Variants in CYP11B1 observed in about 807,000 individuals in gnomAD.
The protein encoded by CYP11B1 is cytochrome P450 family 11 subfamily B member 1.
Under a neutral mutation model 48.3 loss-of-function variants are expected in CYP11B1, and 34 were observed. The ratio of observed to expected loss-of-function variants is 0.70; its 90% confidence interval spans 0.54 to 0.94. CYP11B1 has a LOEUF of 0.94. CYP11B1 is among the 40% of genes least tolerant of loss of function. The pLI, the probability that CYP11B1 is intolerant of heterozygous loss-of-function variation, is 0.00. For synonymous variants in CYP11B1, 291 were observed against 262.5 expected, an observed-to-expected ratio of 1.11 and a Z score of -1.05; for missense variants, 688 against 657.4, an observed-to-expected ratio of 1.05 and a Z score of -0.51.
At chr8:142,874,602 C>G (rs1335414934) in intron 8 of CYP11B1, 116 bp from the exon 9 acceptor site, 2 of 791,836 alleles carry the variant, frequency 2.5e-6, no homozygotes, top group East Asian at 2.5e-5. Flanking sequence ...GCAGCCTGGC[C>G]TCCAACCTGT....
At position 142,877,041 on chromosome 8, in the gene CYP11B1, A is replaced by C; in HGVS notation, c.577T>G (p.Phe193Val). 2 of 1,613,500 alleles carry C rather than the reference A, an allele frequency of 1.2e-6. No individual in the cohort carries two copies. Among genetic ancestry groups the C allele is most frequent in the Non-Finnish European group, 1.7e-6 (2 of 1,179,774 alleles). ...SLTLDVQPSI[F>V]HYTIEASNLA... ...CCCACACCTTCTATGGTGTAGTGGA[A>C]GATGCTGGGCTGGACGTCCAGGGTC... is the stretch of plus-strand genomic sequence containing the variant. Residue 193 changes from phenylalanine (F) to valine (V), a missense_variant, in exon 3 of 9, where the codon TTC (phenylalanine) becomes GTC (valine). Phe to Val is a conservative substitution (Grantham distance 50). Transcript: ENST00000292427.
Position 142,877,180 on chromosome 8 carries a change from T to C in CYP11B1, c.438A>G (p.Pro146=). ...EWRFNRLRLN[P]EVLSPNAVQR... is the part of the protein sequence containing the mutation. Reference sequence around the variant, plus strand: ...GCACAGCGTTGGGCGACAGCACTTCTGGATTCAGCCGCAATCGGTTGAAGC... The same window carrying C: ...GCACAGCGTTGGGCGACAGCACTTCCGGATTCAGCCGCAATCGGTTGAAGC... Residue 146 remains proline (P), a synonymous_variant, in exon 3 of 9, where the codon CCA becomes CCG. Coordinates refer to ENST00000292427, the MANE Select transcript of CYP11B1 (RefSeq NM_000497.4). 6.2e-7 allele frequency: 1 copy of C among 1,614,190 alleles called. No individual in the cohort carries two copies. The highest frequency in any genetic ancestry group is 8.5e-7 in the Non-Finnish European group (1 of 1,180,016).
At chr8:142,875,639 T>A in intron 6 of CYP11B1, 73 bp downstream of exon 6, 1 of 1,550,724 alleles carries the variant, frequency 6.4e-7, no homozygotes, top group South Asian at 1.1e-5. Flanking sequence ...CCAGATTCTG[T>A]CTGCCACCAC....
intron 4 of CYP11B1, 101 bp downstream of exon 4, chr8:142,876,581 C>A: frequency 6.4e-7 from 1 of 1,552,694 alleles, no homozygotes; most frequent in Non-Finnish European, 8.7e-7. Context: ...AATCCCCGAC[C>A]CCTCCCTGTG....
At chr8:142,878,564 G>A (rs568513499) in intron 2 of CYP11B1, among the ~76,000 whole-genome samples, 781 of 152,304 alleles carry the variant, frequency 5.1e-3, no homozygotes, top group Non-Finnish European at 8.7e-3. Flanking sequence ...TCCTGCCCCG[G>A]ACTGTCCCCA....
chr8:142,876,264 G>C lies in CYP11B1; in HGVS notation c.931C>G (p.Leu311Val), dbSNP rs777620711. The C allele has an allele frequency of 6.2e-7, 1 of 1,614,250 alleles. No homozygotes were observed. Among genetic ancestry groups the C allele is most frequent in the South Asian group, 1.1e-5 (1 of 91,090 alleles). The change falls in exon 5 of 9, where the codon CTC (leucine) becomes GTC (valine). Residue 311 changes from leucine (L) to valine (V), a missense_variant. By Grantham distance (32) the Leu-to-Val change is conservative. Transcript: ENST00000292427. ...PDAIKANSME[L>V]TAGSVDTTVF... ...ACCGTGTCCACGCTCCCTGCAGTGA[G>C]TTCCATAGAGTTGGCCTTGATGGCA...
Position 142,878,633 on chromosome 8 carries a change from C to T in CYP11B1, c.395+399G>A, listed in dbSNP as rs184789838. Among the ~76,000 whole-genome samples the T allele has an allele frequency of 2.9e-4, 44 of 152,312 alleles. No homozygotes were observed. In the East Asian group the frequency reaches 3.9e-3, roughly 13 times the overall value. On this transcript the variant is annotated intron_variant, in intron 2 of 8. Coordinates refer to ENST00000292427, the MANE Select transcript of CYP11B1 (RefSeq NM_000497.4). ...AGCGCCCTGAGGGAGGCTGCGGCCCCGGCGAACACCAGGCTCAGTACTCAG... is the reference window on the plus strand; with the variant it reads ...AGCGCCCTGAGGGAGGCTGCGGCCCTGGCGAACACCAGGCTCAGTACTCAG...
Position 142,875,877 on chromosome 8 carries a change from G to A in CYP11B1, c.956C>T (p.Thr319Met), listed in dbSNP as rs104894068. 24 of 1,613,980 alleles carry A rather than the reference G, an allele frequency of 1.5e-5. No individual in the cohort carries two copies. The highest frequency in any genetic ancestry group is 6.7e-5 in the Admixed American group (4 of 60,004). Residue 319 changes from threonine to methionine, a missense_variant and splice_region_variant, in exon 6 of 9, where the codon ACG becomes ATG. Transcript: ENST00000292427. ...MELTAGSVDT[T>M]VFPLLMTLFE... ...GAGCGTCATCAGCAAGGGAAACACCGTCTGCAGGAGACACAGCTGCAGGGT... is the reference window on the plus strand; with the variant it reads ...GAGCGTCATCAGCAAGGGAAACACCATCTGCAGGAGACACAGCTGCAGGGT...
In CYP11B1 at chr8:142,875,794, C is replaced by A; in HGVS notation, c.1039G>T (p.Ala347Ser). Residue 347 changes from alanine to serine, a missense_variant, in exon 6 of 9, where the codon GCC (alanine) becomes TCC (serine). Coordinates refer to ENST00000292427, the MANE Select transcript of CYP11B1 (RefSeq NM_000497.4). ...GGATGTTCACTGATGCTGGCTGCGGCGGCCAGGCTCTCCTGGCGCAGGGCC... is the reference window on the plus strand; with the variant it reads ...GGATGTTCACTGATGCTGGCTGCGGAGGCCAGGCTCTCCTGGCGCAGGGCC... ...QQALRQESLA[A>S]AASISEHPQK... 6.2e-7 allele frequency: 1 copy of A among 1,614,064 alleles called. No individual in the cohort carries two copies. The highest frequency in any genetic ancestry group is 1.1e-5 in the South Asian group (1 of 91,076).
chr8:142,874,524 C>G, intron 8 of CYP11B1, 38 bp from the exon 9 acceptor site: 1 of 1,403,056 alleles, frequency 7.1e-7, no homozygotes, highest in Non-Finnish European at 1.0e-6. Context: ...GCTTGGTCCG[C>G]AGCCCATGCA....
At position 142,875,052 on chromosome 8, in the gene CYP11B1, C is replaced by G; in HGVS notation, c.1303G>C (p.Gly435Arg). ...PQRWLDIRGS[G>R]RNFYHVPFGF... ...AAGGGCACGTGGTAGAAGTTCCTGC[C>G]GGAGCCCCTGATGTCTAGCCAGCGC... Residue 435 changes from glycine to arginine, a missense_variant, in exon 8 of 9, where the codon GGC (glycine) becomes CGC (arginine). Coordinates refer to ENST00000292427, the MANE Select transcript of CYP11B1 (RefSeq NM_000497.4). The G allele has an allele frequency of 1.2e-6, 2 of 1,614,258 alleles. No individual in the cohort carries two copies. The highest frequency in any genetic ancestry group is 1.7e-6 in the Non-Finnish European group (2 of 1,180,038).
chr8:142,876,093 G>C lies in CYP11B1; in HGVS notation c.954+148C>G, dbSNP rs758902842. 220 of 1,253,768 alleles carry C rather than the reference G, an allele frequency of 1.8e-4. No individual in the cohort carries two copies. Among genetic ancestry groups the C allele is most frequent in the Admixed American group, 5.4e-4 (27 of 50,400 alleles). The allele number at this position is 1,253,768 out of a possible 1,614,324, so 77.7% of individuals were successfully genotyped here. A position where few individuals can be genotyped will look rare whatever the true frequency, so the allele number is the denominator to read the frequency against. On this transcript the variant is annotated intron_variant, in intron 5 of 8. Coordinates refer to ENST00000292427, the MANE Select transcript of CYP11B1 (RefSeq NM_000497.4). Reference sequence around the variant, plus strand: ...ATTCCAACCATGGCAACCTGCAAACGTGTTTATCACATCACAATCCCAAGT... The same window carrying C: ...ATTCCAACCATGGCAACCTGCAAACCTGTTTATCACATCACAATCCCAAGT...
At chr8:142,878,991 A>G (rs767045873) in intron 2 of CYP11B1, 41 bp downstream of exon 2, 2 of 1,611,354 alleles carry the variant, frequency 1.2e-6, no homozygotes, top group Non-Finnish European at 1.7e-6. Context: ...CCCTACACCC[A>G]GGCTGCCCAC....
intron 6 of CYP11B1, 132 bp downstream of exon 6, chr8:142,875,580 A>G: frequency 1.0e-6 from 1 of 962,768 alleles, no homozygotes; most frequent in Non-Finnish European, 1.5e-6. Flanking sequence ...GAGGGGGAGG[A>G]AGAGCAGGTG....
Position 142,874,853 on chromosome 8 carries a change from A to G in CYP11B1, c.1398+104T>C, listed in dbSNP as rs1050158406. On this transcript the variant is annotated intron_variant, in intron 8 of 8. Coordinates refer to ENST00000292427, the MANE Select transcript of CYP11B1 (RefSeq NM_000497.4). The stretch of plus-strand genomic sequence containing the variant: ...ACCGGCTCTGCCCAGTCCAGGAAAC[A>G]TGCAGGCCACTCCCACTCTGCCGAG... 4.3e-6 allele frequency: 6 copies of G among 1,406,950 alleles called. No homozygotes were observed. The African/African-American group carries it at 7.1e-5, about 17-fold the overall frequency. The allele number at this position is 1,406,950 out of a possible 1,614,324, so 87.2% of individuals were successfully genotyped here.
At chr8:142,875,369 C>T (rs766555028) in intron 6 of CYP11B1, 57 bp from the exon 7 acceptor site, 1 of 1,531,044 alleles carries the variant, frequency 6.5e-7, no homozygotes, top group East Asian at 2.5e-5. Context: ...TTCCTGTGCT[C>T]TCTGCACCCT....
At chr8:142,875,400 A>G in intron 6 of CYP11B1, 88 bp from the exon 7 acceptor site, 1 of 1,414,670 alleles carries the variant, frequency 7.1e-7, no homozygotes. Context: ...GAACCCGCAG[A>G]GGTCCCAGAT....
intron 2 of CYP11B1, among the ~76,000 whole-genome samples, chr8:142,877,430 G>T (rs1162712079): frequency 6.6e-6 from 1 of 152,256 alleles, no homozygotes; most frequent in African/African-American, 2.4e-5. Flanking sequence ...TCTAAGCAGG[G>T]ATGAGATGGT....
Position 142,877,168 on chromosome 8 carries a change from C to A in CYP11B1, c.450G>T (p.Ser150=), listed in dbSNP as rs778556211. Residue 150 remains serine (S), a synonymous_variant, in exon 3 of 9, where the codon TCG becomes TCT. Transcript: ENST00000292427. ...NRLRLNPEVL[S]PNAVQRFLPM... is the part of the protein sequence containing the mutation. ...GGAGGAACCTCTGCACAGCGTTGGG[C>A]GACAGCACTTCTGGATTCAGCCGCA... is the stretch of plus-strand genomic sequence containing the variant. 45 of 1,614,072 alleles carry A rather than the reference C, an allele frequency of 2.8e-5. No individual in the cohort carries two copies. The highest frequency in any genetic ancestry group is 3.6e-5 in the Non-Finnish European group (42 of 1,180,040).
Sources: gnomAD v4.1 joint callset for allele counts (sites outside exome capture counted in the v4.1 genomes callset) on GRCh38, gnomAD v4.1.1 for gene constraint, MANE v1.5 for transcripts, NCBI Gene and HGNC (gene_info 2026-07-23, HGNC 2026-07-21) for gene names.